Variants in C12orf43 observed in about 807,000 individuals in gnomAD.
C12orf43 encodes the protein protein CUSTOS.
In C12orf43, 15 loss-of-function variants were observed where a neutral mutation model predicts 20.6. That is an observed-to-expected ratio of 0.73 (90% CI 0.49 to 1.12). The LOEUF is 1.12. Among genes scored for constraint, C12orf43 ranks in the 50% most tolerant of loss-of-function variants. C12orf43 has a pLI of 0.00. For synonymous variants in C12orf43, 144 were observed against 130.8 expected, an observed-to-expected ratio of 1.10 and a Z score of -0.69; for missense variants, 334 against 344.4, an observed-to-expected ratio of 0.97 and a Z score of 0.24.
chr12:121,002,559 C>G lies in C12orf43; in HGVS notation c.*1594G>C. The stretch of plus-strand genomic sequence containing the variant: ...ATTCAGATGGGGTTTGGGCAGGTAG[C>G]GGGAGGCTGGGGCAGGCCAGAGGCC... On this transcript the variant is annotated 3_prime_UTR_variant, in exon 6 of 6. Coordinates refer to ENST00000288757, the MANE Select transcript of C12orf43 (RefSeq NM_022895.3). 2.1e-6 allele frequency: 1 copy of G among 482,258 alleles called. No individual in the cohort carries two copies. The highest frequency in any genetic ancestry group is 2.4e-5 in the Admixed American group (1 of 42,202). The allele number at this position is 482,258 out of a possible 1,614,324, so 29.9% of individuals were successfully genotyped here. A position where few individuals can be genotyped will look rare whatever the true frequency, so the allele number is the denominator to read the frequency against.
intron 3 of C12orf43, chr12:121,007,125 A>C (rs939254373): frequency 3.9e-5 from 6 of 152,192 alleles, no homozygotes; most frequent in Non-Finnish European, 5.9e-5. Flanking sequence ...CCAATCTAGA[A>C]AACTGGTTCA....
intron 1 of C12orf43, chr12:121,012,503 T>A: frequency 1.4e-6 from 1 of 702,374 alleles, no homozygotes; most frequent in Non-Finnish European, 2.6e-6. Flanking sequence ...ACACGGAGTC[T>A]GCTGCAGTAA....
chr12:121,011,423 A>C (rs574727697), intron 1 of C12orf43, among the ~76,000 whole-genome samples: 5 of 148,046 alleles, frequency 3.4e-5, no homozygotes, highest in Admixed American at 6.8e-5. Flanking sequence ...TATAACTTAA[A>C]ATATATATAT....
chr12:121,006,221 AAG>A (rs66710628), intron 4 of C12orf43, 98 bp downstream of exon 4: 160,813 of 739,430 alleles, frequency 0.22, 10,478 homozygotes, highest in East Asian at 0.38. Flanking sequence ...ATCTCAAAAA[AAG>A]AAAAAAAAAA....
intron 3 of C12orf43, among the ~76,000 whole-genome samples, chr12:121,009,535 G>A (rs1878284482): frequency 6.6e-6 from 1 of 152,100 alleles, no homozygotes. Context: ...CGGGAGGGTG[G>A]AGCCTTGATG....
intron 1 of C12orf43, among the ~76,000 whole-genome samples, chr12:121,011,734 G>A (rs1358907686): frequency 2.0e-5 from 3 of 152,176 alleles, no homozygotes; most frequent in Non-Finnish European, 4.4e-5. Flanking sequence ...GAACAGGCAG[G>A]TCTAAGTGTG....
intron 1 of C12orf43, among the ~76,000 whole-genome samples, chr12:121,011,953 G>T (rs1868403748): frequency 6.6e-6 from 1 of 152,202 alleles, no homozygotes; most frequent in Non-Finnish European, 1.5e-5. Context: ...ACTGTCTGCA[G>T]GAGCTTACAT....
intron 1 of C12orf43, among the ~76,000 whole-genome samples, chr12:121,015,815 T>C (rs1344797667): frequency 1.3e-5 from 2 of 152,226 alleles, no homozygotes; most frequent in Non-Finnish European, 2.9e-5. Flanking sequence ...CAGAGATGAA[T>C]AGAAAGCAAA....
chr12:121,006,386 G>T lies in C12orf43; in HGVS notation c.296C>A (p.Thr99Asn). 6.2e-7 allele frequency: 1 copy of T among 1,613,940 alleles called. No homozygotes were observed. Among genetic ancestry groups the T allele is most frequent in the Non-Finnish European group, 8.5e-7 (1 of 1,179,806 alleles). ...TGGCTCCTTTGCTGCTTCTGAGATG[G>T]TAATGAAGCTACAGGGAGACGAGAC... The part of the protein sequence containing the change: ...KLGALLDSFI[T>N]ISEAAKEPAK... The change falls in exon 4 of 6, where the codon ACC becomes AAC. Residue 99 changes from threonine to asparagine, a missense_variant. Coordinates refer to ENST00000288757, the MANE Select transcript of C12orf43 (RefSeq NM_022895.3).
chr12:121,000,949 T>C lies in C12orf43; in HGVS notation c.*3204A>G. 7.1e-7 allele frequency: 1 copy of C among 1,412,584 alleles called. No individual in the cohort carries two copies. The highest frequency in any genetic ancestry group is 9.9e-7 in the Non-Finnish European group (1 of 1,013,104). The allele number at this position is 1,412,584 out of a possible 1,614,324, so 87.5% of individuals were successfully genotyped here. On this transcript the variant is annotated 3_prime_UTR_variant, in exon 6 of 6. Transcript: ENST00000288757. ...GTGTGACTTTGGGGTTCCTGTTATC[T>C]GCTGTGATCCAGGAGGTGTGGCCCT...
Position 121,004,146 on chromosome 12 carries a change from G to A in C12orf43, c.*7C>T, listed in dbSNP as rs1321958546. 1 of 1,614,040 alleles carries A rather than the reference G, an allele frequency of 6.2e-7. No homozygotes were observed. Among genetic ancestry groups the A allele is most frequent in the Non-Finnish European group, 8.5e-7 (1 of 1,179,876 alleles). On this transcript the variant is annotated 3_prime_UTR_variant, in exon 6 of 6. Coordinates refer to ENST00000288757, the MANE Select transcript of C12orf43 (RefSeq NM_022895.3). This position sits in a 1 kb window ranked among gnomAD's most constrained non-coding sequence, Gnocchi z 5.6. ...GAGCTGGCTGAGCCCTGTGCCCATG[G>A]CTGGGTTCAGTTTGCAGGTATAGCT...
rs572092143 is a variant in C12orf43, at chr12:121,003,710, C to A, written c.*443G>T. On this transcript the variant is annotated 3_prime_UTR_variant, in exon 6 of 6. Coordinates refer to ENST00000288757, the MANE Select transcript of C12orf43 (RefSeq NM_022895.3). ...AACAAAAGTTTCTCTGGGCCTTGGC[C>A]TCTTGGGGATCCCTTCTCTCATTTT... 1.2e-5 allele frequency: 2 copies of A among 171,580 alleles called. No homozygotes were observed. Among genetic ancestry groups the A allele is most frequent in the East Asian group, 3.3e-4 (2 of 6,032 alleles). 10.6% of individuals were successfully genotyped at this position (171,580 alleles called of 1,614,324 possible).
chr12:121,001,189 G>A lies in C12orf43; in HGVS notation c.*2964C>T, dbSNP rs2135854905. ...CCACCCAGATGGCCTCTTCCTCCCA[G>A]TAACCACGGCACCTGGGCCCTGGGG... On this transcript the variant is annotated 3_prime_UTR_variant, in exon 6 of 6. Coordinates refer to ENST00000288757, the MANE Select transcript of C12orf43 (RefSeq NM_022895.3). 2 of 1,614,042 alleles carry A rather than the reference G, an allele frequency of 1.2e-6. No homozygotes were observed. The highest frequency in any genetic ancestry group is 1.7e-6 in the Non-Finnish European group (2 of 1,179,992).
intron 3 of C12orf43, among the ~76,000 whole-genome samples, chr12:121,007,625 G>A (rs1011614190): frequency 6.6e-6 from 1 of 152,218 alleles, no homozygotes; most frequent in Non-Finnish European, 1.5e-5. Flanking sequence ...GCCTTCACAG[G>A]CTCTCTAACA....
rs567426074 is a variant in C12orf43 at position 121,002,818 on chromosome 12, C to T, written c.*1335G>A. On this transcript the variant is annotated 3_prime_UTR_variant, in exon 6 of 6. Transcript: ENST00000288757. ...CTGGACTAAAGGGATCCTCCCACCT[C>T]AGCCTCACAAGCAGCCTCACAGGCG... 2 of 168,072 alleles carry T rather than the reference C, an allele frequency of 1.2e-5. No individual in the cohort carries two copies. The highest frequency in any genetic ancestry group is 3.6e-4 in the East Asian group (2 of 5,484). 10.4% of individuals were successfully genotyped at this position (168,072 alleles called of 1,614,324 possible).
rs1169313 is a variant in C12orf43 at position 121,004,867 on chromosome 12, T to A, written c.452+136A>T. 77 of 601,200 alleles carry A rather than the reference T, an allele frequency of 1.3e-4. No homozygotes were observed. In the East Asian group the frequency reaches 2.5e-3, roughly 19 times the overall value. The allele number at this position is 601,200 out of a possible 1,614,324, so 37.2% of individuals were successfully genotyped here. A position where few individuals can be genotyped will look rare whatever the true frequency, so the allele number is the denominator to read the frequency against. Reference sequence around the variant, plus strand: ...AGGGCTTTCCCTCCCGCTGAGCTCATGATTTCTCCAGCTGCCTGACAGGGC... The same window carrying A: ...AGGGCTTTCCCTCCCGCTGAGCTCAAGATTTCTCCAGCTGCCTGACAGGGC... On this transcript the variant is annotated intron_variant, in intron 5 of 5. Coordinates refer to ENST00000288757, the MANE Select transcript of C12orf43 (RefSeq NM_022895.3). The surrounding 1 kb of genome is among the most constrained non-coding windows in gnomAD (Gnocchi z 5.6).
Position 121,002,425 on chromosome 12 carries a change from C to T in C12orf43, c.*1728G>A, listed in dbSNP as rs1877563063. 1.9e-6 allele frequency: 1 copy of T among 531,590 alleles called. No individual in the cohort carries two copies. The allele number at this position is 531,590 out of a possible 1,614,324, so 32.9% of individuals were successfully genotyped here. A position where few individuals can be genotyped will look rare whatever the true frequency, so the allele number is the denominator to read the frequency against. ...GGATTCAGGAAAAGGCCTGGGGTGA[C>T]CCGGCACCCCCTGCAGCTTGTAGCC... On this transcript the variant is annotated 3_prime_UTR_variant, in exon 6 of 6. Coordinates refer to ENST00000288757, the MANE Select transcript of C12orf43 (RefSeq NM_022895.3).
At position 121,001,061 on chromosome 12, in the gene C12orf43, G is replaced by A. The variant is rs2135854358; in HGVS notation, c.*3092C>T. 6.2e-7 allele frequency: 1 copy of A among 1,613,056 alleles called. No individual in the cohort carries two copies. The highest frequency in any genetic ancestry group is 8.5e-7 in the Non-Finnish European group (1 of 1,179,804). On this transcript the variant is annotated 3_prime_UTR_variant, in exon 6 of 6. Coordinates refer to ENST00000288757, the MANE Select transcript of C12orf43 (RefSeq NM_022895.3). The stretch of plus-strand genomic sequence containing the variant: ...GTGGCTAGCAGCCTTGTTTGCCTCT[G>A]CAGTGTCCTCCAGCAGCCTGGTGCT...
At position 121,003,827 on chromosome 12, in the gene C12orf43, T is replaced by C; in HGVS notation, c.*326A>G. ...CAGACAGTTCTAGGGAGATGGAGGT[T>C]TCACCACTTGGCCACTAGTCTCAAA... On this transcript the variant is annotated 3_prime_UTR_variant, in exon 6 of 6. Coordinates refer to ENST00000288757, the MANE Select transcript of C12orf43 (RefSeq NM_022895.3). 2 of 384,906 alleles carry C rather than the reference T, an allele frequency of 5.2e-6. No homozygotes were observed. The highest frequency in any genetic ancestry group is 5.2e-5 in the South Asian group (2 of 38,764). 23.8% of individuals were successfully genotyped at this position (384,906 alleles called of 1,614,324 possible).
Sources: allele counts gnomAD v4.1 joint callset (sites outside exome capture counted in the v4.1 genomes callset), GRCh38; gene constraint gnomAD v4.1.1; non-coding constraint Gnocchi (gnomAD v3.1); transcripts MANE v1.5; gene names NCBI Gene and HGNC (gene_info 2026-07-23, HGNC 2026-07-21).